The following NOX3 variants were observed in gnomAD, a reference collection of about 807,000 sequenced individuals.
NOX3 encodes NADPH oxidase 3, also known as NADPH oxidase catalytic subunit-like 3.
A neutral mutation model predicts 76.7 loss-of-function variants in NOX3; 74 were observed. That is an observed-to-expected ratio of 0.96 (90% CI 0.80 to 1.17). The LOEUF is 1.17. Among genes scored for constraint, NOX3 ranks in the 50% most tolerant of loss-of-function variants. The probability of loss-of-function intolerance (pLI) is 0.00; values close to 1 mark genes in which losing one functional copy is unlikely to be tolerated. For missense variants in NOX3, 695 were observed against 703.3 expected, an observed-to-expected ratio of 0.99 and a Z score of 0.13; for synonymous variants, 263 against 261.1, an observed-to-expected ratio of 1.01 and a Z score of -0.07.
intron 1 of NOX3, 36 bp downstream of exon 1, chr6:155,455,717 A>G (rs1582952045): frequency 6.6e-7 from 1 of 1,512,186 alleles, no homozygotes; most frequent in Non-Finnish European, 9.2e-7. Flanking sequence ...TATTCAATCT[A>G]TATATTTAAA....
chr6:155,431,153 C>T (rs976872114), intron 7 of NOX3, among the ~76,000 whole-genome samples: 1 of 152,000 alleles, frequency 6.6e-6, no homozygotes, highest in Non-Finnish European at 1.5e-5. Context: ...TTAAACTCTT[C>T]TATATTGGTT....
At chr6:155,450,661 T>C (rs1382995738) in intron 4 of NOX3, among the ~76,000 whole-genome samples, 1 of 152,190 alleles carries the variant, frequency 6.6e-6, no homozygotes, top group Non-Finnish European at 1.5e-5. Context: ...GTCCTGGGCA[T>C]GGCCATATCT....
At chr6:155,419,816 TC>T (rs1292280638) in intron 10 of NOX3, among the ~76,000 whole-genome samples, 1 of 152,124 alleles carries the variant, frequency 6.6e-6, no homozygotes, top group African/African-American at 2.4e-5. Context: ...ATAAGATTTT[TC>T]CTCTATATTC....
intron 10 of NOX3, among the ~76,000 whole-genome samples, chr6:155,420,150 C>A (rs891776081): frequency 6.6e-6 from 1 of 152,068 alleles, no homozygotes; most frequent in African/African-American, 2.4e-5. Flanking sequence ...AACAGTAGGG[C>A]AGCAAAGGAG....
intron 4 of NOX3, among the ~76,000 whole-genome samples, chr6:155,452,866 C>T (rs1777165358): frequency 6.6e-6 from 1 of 152,132 alleles, no homozygotes; most frequent in Non-Finnish European, 1.5e-5. Context: ...TAGTGCCTTC[C>T]TCTTAAATTA....
intron 9 of NOX3, among the ~76,000 whole-genome samples, chr6:155,425,254 G>A (rs984729294): frequency 1.3e-5 from 2 of 152,106 alleles, no homozygotes; most frequent in Non-Finnish European, 2.9e-5. Flanking sequence ...TGACATCCCA[G>A]TTGTTCTTTT....
At chr6:155,453,944 A>C (rs1250356230) in intron 3 of NOX3, among the ~76,000 whole-genome samples, 2 of 152,214 alleles carry the variant, frequency 1.3e-5, no homozygotes, top group Non-Finnish European at 2.9e-5. Flanking sequence ...AGACCACTGC[A>C]ATAAAGCAAA....
rs1032216099 is a variant in NOX3, at chr6:155,429,000, A to G, written c.939T>C (p.Arg313=). Residue 313 remains arginine, a synonymous_variant, in exon 9 of 14, where the codon CGT becomes CGC. Transcript: ENST00000159060. Reference sequence around the variant, plus strand: ...ACTGCCCTGGCGCCATTTTAAAGCCACGCTTTTTCATGTGAAGTTCCAGGA... The same window carrying G: ...ACTGCCCTGGCGCCATTTTAAAGCCGCGCTTTTTCATGTGAAGTTCCAGGA... ...SGVLELHMKK[R]GFKMAPGQYI... 6.2e-7 allele frequency: 1 copy of G among 1,611,318 alleles called. No homozygotes were observed. The highest frequency in any genetic ancestry group is 8.5e-7 in the Non-Finnish European group (1 of 1,178,118).
intron 1 of NOX3, among the ~76,000 whole-genome samples, 200 bp from the exon 2 acceptor site, chr6:155,455,329 T>A (rs533475851): frequency 6.6e-6 from 1 of 152,322 alleles, no homozygotes; most frequent in Admixed American, 6.5e-5. Flanking sequence ...TAAAAAGATT[T>A]TAAACACATA....
chr6:155,396,270 G>A (rs1452426201), intron 13 of NOX3, among the ~76,000 whole-genome samples: 1 of 152,174 alleles, frequency 6.6e-6, no homozygotes, highest in Non-Finnish European at 1.5e-5. Flanking sequence ...GGTCTACAGA[G>A]GATGAACAAA....
intron 10 of NOX3, among the ~76,000 whole-genome samples, chr6:155,420,845 T>C (rs747724348): frequency 6.6e-6 from 1 of 152,250 alleles, no homozygotes; most frequent in Non-Finnish European, 1.5e-5. Flanking sequence ...AACCTATTTA[T>C]ACCTTTGGTA....
At chr6:155,427,028 T>TGTGTGTGTGTGTGTGC (rs796489805) in intron 9 of NOX3, among the ~76,000 whole-genome samples, 1 of 121,792 alleles carries the variant, frequency 8.2e-6, no homozygotes, top group African/African-American at 3.3e-5. Context: ...TGTGTGTGTG[T>TGTGTGTGTGTGTGTGC]GCTGGGGGGG....
chr6:155,418,299 A>G (rs977366626), intron 10 of NOX3, among the ~76,000 whole-genome samples: 4 of 151,806 alleles, frequency 2.6e-5, no homozygotes, highest in African/African-American at 9.7e-5. Context: ...GAGGTGGAGG[A>G]CTTTATTGCT....
rs530015765 is a variant in NOX3, at chr6:155,408,953, G to A, written c.1456-1699C>T. 9.2e-5 allele frequency among the ~76,000 whole-genome samples: 14 copies of A among 151,496 alleles called. 1 individual carries two copies. The highest frequency in any genetic ancestry group is 5.9e-4 in the Admixed American group (9 of 15,204). ...ATAACAGGCACTGGGGGCTCCAAAAGGGGGGGAGGGTGAGAAGGGAGTGAG... is the reference window on the plus strand; with the variant it reads ...ATAACAGGCACTGGGGGCTCCAAAAAGGGGGGAGGGTGAGAAGGGAGTGAG... On this transcript the variant is annotated intron_variant, in intron 11 of 13. Transcript: ENST00000159060.
chr6:155,405,203 C>T (rs928976204), intron 12 of NOX3, among the ~76,000 whole-genome samples: 4 of 152,048 alleles, frequency 2.6e-5, no homozygotes, highest in Admixed American at 6.5e-5. Flanking sequence ...GGAACATCGC[C>T]GGGGATATGG....
chr6:155,443,794 G>A lies in NOX3; in HGVS notation c.341-376C>T, dbSNP rs537359685. ...AGAAATTGGAAAGCATTATTCTAGA[G>A]TACTGTACATTATACATGCTGATAT... On this transcript the variant is annotated intron_variant, in intron 4 of 13. Transcript: ENST00000159060. Among the ~76,000 whole-genome samples the A allele has an allele frequency of 1.9e-4, 28 of 145,236 alleles. No homozygotes were observed. In the South Asian group the frequency reaches 5.0e-3, roughly 26 times the overall value.
chr6:155,453,333 G>T, intron 4 of NOX3, 71 bp downstream of exon 4: 1 of 1,178,350 alleles, frequency 8.5e-7, no homozygotes, highest in Non-Finnish European at 1.3e-6. Flanking sequence ...GGGGAAGGCA[G>T]AGTTAAAACA....
intron 12 of NOX3, among the ~76,000 whole-genome samples, chr6:155,399,695 A>G (rs1779196900): frequency 6.6e-6 from 1 of 151,444 alleles, no homozygotes; most frequent in Non-Finnish European, 1.5e-5. Flanking sequence ...AGAGAATCCA[A>G]GCCAAGTGTT....
At chr6:155,401,987 C>A (rs1003825880) in intron 12 of NOX3, among the ~76,000 whole-genome samples, 1 of 152,090 alleles carries the variant, frequency 6.6e-6, no homozygotes, top group Non-Finnish European at 1.5e-5. Flanking sequence ...AGCAACTGAT[C>A]CACAAATTCA....
Sources: allele counts gnomAD v4.1 joint callset (sites outside exome capture counted in the v4.1 genomes callset), GRCh38; gene constraint gnomAD v4.1.1; transcripts MANE v1.5; gene names NCBI Gene and HGNC (gene_info 2026-07-23, HGNC 2026-07-21).